The following TMEM245 variants were observed in gnomAD, a reference collection of about 807,000 sequenced individuals.
TMEM245 encodes the protein protein CG-2.
In TMEM245, 69 loss-of-function variants were observed where a neutral mutation model predicts 101.2. The ratio of observed to expected loss-of-function variants is 0.68; its 90% CI spans 0.56 to 0.83. The LOEUF (loss-of-function observed/expected upper bound fraction) is 0.83. Ranked by LOEUF, TMEM245 falls within the 40% of genes least tolerant of loss-of-function variation. TMEM245 has a pLI of 0.00. For missense variants in TMEM245, 1,075 were observed against 1,092.8 expected (o/e 0.98, Z 0.23); for synonymous variants, 537 against 449.8 (o/e 1.19, Z -2.45).
chr9:109,115,078 A>AG (rs1403186314), intron 1 of TMEM245, among the ~76,000 whole-genome samples: 2 of 152,194 alleles, frequency 1.3e-5, no homozygotes, highest in Non-Finnish European at 2.9e-5. Context: ...CAGGCGCAGT[A>AG]GCTCATGCCT....
In TMEM245 at chr9:109,117,117, G is replaced by T. The variant is rs1177780028; in HGVS notation, c.579+2218C>A. ...ACAGCTGAATTTCAAGGTTTTTTTG[G>T]TTTTTTTTTGAGACGGAATTTCACG... On this transcript the variant is annotated intron_variant, in intron 1 of 17. Transcript: ENST00000374586. Among the ~76,000 whole-genome samples the T allele has an allele frequency of 8.0e-5, 12 of 150,364 alleles. No homozygotes were observed. In the East Asian group the frequency reaches 2.2e-3, roughly 27 times the overall value.
rs1193975057 is a variant in TMEM245 at position 109,015,340 on chromosome 9, TAC to T, written c.*5118_*5119del. On this transcript the variant is annotated 3_prime_UTR_variant, in exon 18 of 18. Coordinates refer to ENST00000374586, the MANE Select transcript of TMEM245 (RefSeq NM_032012.4). ...CCTTCACCTGAGAACCCAGGGATGA[TAC>T]ATTTTCAAAGAGTTATGTAAGCAAT... 6.6e-6 allele frequency: 1 copy of T among 152,224 alleles called. No individual in the cohort carries two copies. The highest frequency in any genetic ancestry group is 1.5e-5 in the Non-Finnish European group (1 of 68,040). The allele number at this position is 152,224 out of a possible 1,614,324, so 9.4% of individuals were successfully genotyped here.
chr9:109,065,008 A>G (rs1447190350), intron 9 of TMEM245, among the ~76,000 whole-genome samples: 1 of 151,374 alleles, frequency 6.6e-6, no homozygotes, highest in Admixed American at 6.6e-5. Flanking sequence ...CTGGTCTCAA[A>G]CTCCTGATCT....
At chr9:109,083,588 C>G (rs112913824) in intron 7 of TMEM245, among the ~76,000 whole-genome samples, 1 of 151,962 alleles carries the variant, frequency 6.6e-6, no homozygotes, top group African/African-American at 2.4e-5. Flanking sequence ...TATAGTTACA[C>G]CAAAAGATAC....
In TMEM245 at chr9:109,119,607, G is replaced by A. The variant is rs1345848853; in HGVS notation, c.307C>T (p.Arg103Cys). 3 of 1,556,374 alleles carry A rather than the reference G, an allele frequency of 1.9e-6. No homozygotes were observed. Among genetic ancestry groups the A allele is most frequent in the Admixed American group, 1.9e-5 (1 of 51,786 alleles). ...FLHPFKSSLTRLGRHWLQRLH... is the reference protein window; with the variant it reads ...FLHPFKSSLTCLGRHWLQRLH... ...CGCTGCAGCCAGTGGCGGCCCAGGCGCGTCAGCGAGCTCTTGAAGGGGTGC... is the reference window on the plus strand; with the variant it reads ...CGCTGCAGCCAGTGGCGGCCCAGGCACGTCAGCGAGCTCTTGAAGGGGTGC... Residue 103 changes from arginine (R) to cysteine (C), a missense_variant, in exon 1 of 18, where the codon CGC (arginine) becomes TGC (cysteine). By Grantham distance (180) the Arg-to-Cys change is radical. This residue lies in a region of TMEM245 where 808 missense variants were observed against 741.5 expected (regional missense o/e 1.09). Transcript: ENST00000374586.
Position 109,051,029 on chromosome 9 carries a change from G to A in TMEM245, c.1855-337C>T, listed in dbSNP as rs577781625. Among the ~76,000 whole-genome samples, 4 of 152,124 alleles carry A rather than the reference G, an allele frequency of 2.6e-5. No individual in the cohort carries two copies. In the East Asian group the frequency reaches 7.7e-4, roughly 29 times the overall value. On this transcript the variant is annotated intron_variant, in intron 12 of 17. Transcript: ENST00000374586. ...TAATTGGTGGGGCATGGTGGCTCAT[G>A]CCTGTAATCCCAGCACTTTGGGAGG...
intron 7 of TMEM245, among the ~76,000 whole-genome samples, chr9:109,081,210 T>C (rs1006618217): frequency 1.3e-5 from 2 of 152,196 alleles, no homozygotes; most frequent in African/African-American, 4.8e-5. Context: ...TCTCAAACTA[T>C]AGGATATCTA....
At chr9:109,042,174 T>A (rs927214886) in intron 14 of TMEM245, among the ~76,000 whole-genome samples, 2 of 152,176 alleles carry the variant, frequency 1.3e-5, no homozygotes, top group African/African-American at 4.8e-5. Flanking sequence ...CTTTCCGGTA[T>A]GCTACCTGCA....
chr9:109,076,385 TGGGGGGGA>T (rs1829502359), intron 8 of TMEM245, among the ~76,000 whole-genome samples: 3 of 133,002 alleles, frequency 2.3e-5, no homozygotes, highest in South Asian at 2.6e-4. Context: ...CACTGTGGGG[TGGGGGGGA>T]GGGGGGAGGG....
At chr9:109,064,930 T>C (rs1428885346) in intron 9 of TMEM245, among the ~76,000 whole-genome samples, 2 of 152,118 alleles carry the variant, frequency 1.3e-5, no homozygotes, top group East Asian at 1.9e-4. Flanking sequence ...GCTGAGATCA[T>C]AGGCACGTCA....
At chr9:109,108,226 T>C (rs375442296) in intron 2 of TMEM245, among the ~76,000 whole-genome samples, 30 of 152,240 alleles carry the variant, frequency 2.0e-4, no homozygotes, top group African/African-American at 6.7e-4. Context: ...TTAAGATGTA[T>C]TGACTTTTAA....
intron 14 of TMEM245, among the ~76,000 whole-genome samples, chr9:109,043,340 T>C (rs1273353947): frequency 2.0e-5 from 3 of 152,340 alleles, no homozygotes; most frequent in African/African-American, 4.8e-5. Context: ...GTGTGATCCA[T>C]GGTGCCAATG....
At chr9:109,020,569 C>A in intron 17 of TMEM245, 64 bp from the exon 18 acceptor site, 2 of 1,437,650 alleles carry the variant, frequency 1.4e-6, no homozygotes, top group African/African-American at 1.4e-5. Context: ...TTTTTACAAT[C>A]TTTTGGAGCC....
intron 7 of TMEM245, among the ~76,000 whole-genome samples, chr9:109,082,182 T>C (rs760854607): frequency 8.5e-5 from 13 of 152,186 alleles, no homozygotes; most frequent in Non-Finnish European, 1.8e-4. Flanking sequence ...GTGCCCCCCT[T>C]ATCTGTTTTT....
intron 17 of TMEM245, among the ~76,000 whole-genome samples, 173 bp from the exon 18 acceptor site, chr9:109,020,678 A>G (rs1827594406): frequency 6.6e-6 from 1 of 152,210 alleles, no homozygotes; most frequent in African/African-American, 2.4e-5. Context: ...CAAGAACTCC[A>G]TCTTTTTGCT....
intron 3 of TMEM245, among the ~76,000 whole-genome samples, chr9:109,094,690 T>C (rs1830093265): frequency 6.6e-6 from 1 of 152,174 alleles, no homozygotes; most frequent in African/African-American, 2.4e-5. Flanking sequence ...TGTGCAAAAA[T>C]TGTAAATGCT....
intron 3 of TMEM245, among the ~76,000 whole-genome samples, chr9:109,103,218 A>G (rs1830324072): frequency 6.6e-6 from 1 of 152,260 alleles, no homozygotes. Context: ...CCTAAAGAAT[A>G]TACCAAAGAA....
intron 6 of TMEM245, 27 bp from the exon 7 acceptor site, chr9:109,086,047 AGAG>A: frequency 1.2e-6 from 2 of 1,611,704 alleles, no homozygotes; most frequent in East Asian, 4.5e-5. Flanking sequence ...AAGGTGAGAA[AGAG>A]AAGATAAGAA....
intron 17 of TMEM245, among the ~76,000 whole-genome samples, chr9:109,030,230 G>T (rs1237099902): frequency 6.7e-6 from 1 of 149,776 alleles, no homozygotes; most frequent in Non-Finnish European, 1.5e-5. Context: ...AAAGGAAGAA[G>T]AGGGAGAAGG....
Sources: allele counts gnomAD v4.1 joint callset (sites outside exome capture counted in the v4.1 genomes callset), GRCh38; gene constraint gnomAD v4.1.1; regional missense constraint gnomAD v4.1.1; transcripts MANE v1.5; gene names NCBI Gene and HGNC (gene_info 2026-07-23, HGNC 2026-07-21).